Variants in COP1 observed in about 807,000 individuals in gnomAD.
COP1 encodes COP1 E3 ubiquitin ligase, also known as E3 ubiquitin-protein ligase COP1.
Under a neutral mutation model 101.3 loss-of-function variants are expected in COP1, and 24 were observed. The observed-to-expected ratio is 0.24, with a 90% CI of 0.17 to 0.33. The LOEUF (loss-of-function observed/expected upper bound fraction) is 0.33, where lower values mean the gene tolerates loss of function less well. Among genes scored for constraint, COP1 ranks in the 10% least tolerant of loss-of-function variants. The pLI, the probability that COP1 is intolerant of heterozygous loss-of-function variation, is 1.00. For missense variants in COP1, 663 were observed against 906.2 expected (o/e 0.73, Z 3.45); for synonymous variants, 347 against 341.9 (o/e 1.01, Z -0.17).
intron 5 of COP1, among the ~76,000 whole-genome samples, chr1:176,153,051 G>A (rs1323250633): frequency 6.6e-6 from 1 of 151,926 alleles, no homozygotes; most frequent in Non-Finnish European, 1.5e-5. Flanking sequence ...GGACACAGAG[G>A]GTTTTAGGAA....
chr1:176,010,297 A>T (rs1664423000), intron 15 of COP1, among the ~76,000 whole-genome samples: 1 of 152,200 alleles, frequency 6.6e-6, no homozygotes. Flanking sequence ...ATATCATTAT[A>T]TCACACTCAA....
rs566927328 is a variant in COP1 at position 176,133,458 on chromosome 1, T to A, written c.968+1552A>T. 2.0e-5 allele frequency among the ~76,000 whole-genome samples: 3 copies of A among 152,000 alleles called. No individual in the cohort carries two copies. The East Asian group carries it at 5.8e-4, about 29-fold the overall frequency. ...ATGCAGTCCATCACTGACTGAAACG[T>A]CATTATGCAGTGCATGACTGTATTG... On this transcript the variant is annotated intron_variant, in intron 8 of 19. Transcript: ENST00000367669.
At chr1:176,144,472 A>C (rs1416010238) in intron 6 of COP1, among the ~76,000 whole-genome samples, 3 of 152,190 alleles carry the variant, frequency 2.0e-5, no homozygotes, top group Non-Finnish European at 4.4e-5. Flanking sequence ...TTCACAGATT[A>C]GAAGACTGAA....
At chr1:176,025,476 TA>T (rs772321422) in intron 15 of COP1, among the ~76,000 whole-genome samples, 1 of 138,596 alleles carries the variant, frequency 7.2e-6, no homozygotes, top group Admixed American at 7.1e-5. Context: ...AAAAAAAACC[TA>T]AAAAAAGAGT....
At chr1:176,182,030 G>A (rs1697856463) in intron 2 of COP1, among the ~76,000 whole-genome samples, 1 of 152,092 alleles carries the variant, frequency 6.6e-6, no homozygotes, top group Admixed American at 6.6e-5. Context: ...TAAATTTATT[G>A]AAAAGCCCTA....
intron 18 of COP1, chr1:175,982,390 T>G (rs745807673): frequency 4.4e-6 from 2 of 456,626 alleles, no homozygotes; most frequent in South Asian, 3.1e-5. Context: ...TTTCTTCCTC[T>G]TCTACCACTC....
chr1:176,150,096 C>G (rs1404497031), intron 5 of COP1, among the ~76,000 whole-genome samples: 1 of 152,150 alleles, frequency 6.6e-6, no homozygotes, highest in Non-Finnish European at 1.5e-5. Flanking sequence ...TTTTGTTAAA[C>G]AAGTGCCCAG....
chr1:176,003,640 T>C (rs1340506167), intron 15 of COP1, among the ~76,000 whole-genome samples: 1 of 152,172 alleles, frequency 6.6e-6, no homozygotes, highest in Non-Finnish European at 1.5e-5. Flanking sequence ...TTCTCAGGTT[T>C]GTCAGAGATC....
rs74127164 is a variant in COP1 at position 176,033,931 on chromosome 1, T to G, written c.1613-6243A>C. On this transcript the variant is annotated intron_variant, in intron 14 of 19. Coordinates refer to ENST00000367669, the MANE Select transcript of COP1 (RefSeq NM_022457.7). The stretch of plus-strand genomic sequence containing the variant: ...ATAAAGTTATCACAAAGGCAATATT[T>G]TATATGATCGCCAAACAGACAAGAG... Among the ~76,000 whole-genome samples, 481 of 152,314 alleles carry G rather than the reference T, an allele frequency of 3.2e-3. 1 individual carries two copies. Among genetic ancestry groups the G allele is most frequent in the African/African-American group, 0.011 (461 of 41,568 alleles).
intron 11 of COP1, among the ~76,000 whole-genome samples, chr1:176,047,601 A>C (rs1671736245): frequency 6.6e-6 from 1 of 152,230 alleles, no homozygotes; most frequent in African/African-American, 2.4e-5. Flanking sequence ...TTCTTCTCTC[A>C]AAATGCCTAG....
chr1:175,951,461 T>TATATATAA (rs1214036206), intron 18 of COP1, among the ~76,000 whole-genome samples: 9 of 54,938 alleles, frequency 1.6e-4, no homozygotes, highest in African/African-American at 4.4e-4. Flanking sequence ...TATATATATA[T>TATATATAA]AAAAACTTCC....
chr1:176,205,727 C>A (rs770258092), intron 1 of COP1, among the ~76,000 whole-genome samples: 17 of 152,244 alleles, frequency 1.1e-4, no homozygotes, highest in Non-Finnish European at 1.9e-4. Context: ...ACTAACCTCT[C>A]TATCCCAAAT....
At chr1:176,114,033 G>A (rs1399426887) in intron 9 of COP1, among the ~76,000 whole-genome samples, 1 of 148,774 alleles carries the variant, frequency 6.7e-6, no homozygotes, top group Middle Eastern at 3.2e-3. Context: ...TTTTTGTTTC[G>A]CTTCATCAGT....
intron 9 of COP1, among the ~76,000 whole-genome samples, chr1:176,091,427 CAAAAT>C (rs1681282052): frequency 6.6e-6 from 1 of 150,512 alleles, no homozygotes; most frequent in Admixed American, 6.6e-5. Flanking sequence ...ATCTGAGACA[CAAAAT>C]AAAAAAAGAG....
At chr1:175,975,980 T>C (rs552254982) in intron 18 of COP1, among the ~76,000 whole-genome samples, 1 of 152,282 alleles carries the variant, frequency 6.6e-6, no homozygotes, top group East Asian at 1.9e-4. Flanking sequence ...TTGCTATCAA[T>C]GACATTTCAT....
At chr1:176,006,746 A>G (rs1055860566) in intron 15 of COP1, among the ~76,000 whole-genome samples, 2 of 152,102 alleles carry the variant, frequency 1.3e-5, no homozygotes, top group Admixed American at 6.5e-5. Context: ...TTCCCTTTGT[A>G]GGTAACCCGA....
intron 18 of COP1, among the ~76,000 whole-genome samples, chr1:175,981,658 A>T (rs1467095250): frequency 2.0e-5 from 3 of 152,212 alleles, no homozygotes; most frequent in Non-Finnish European, 2.9e-5. Context: ...TGAATGCATC[A>T]AACTATCAAT....
At chr1:176,126,193 A>G (rs1233905996) in intron 8 of COP1, among the ~76,000 whole-genome samples, 5 of 152,130 alleles carry the variant, frequency 3.3e-5, no homozygotes, top group Admixed American at 2.0e-4. Context: ...TTCCTTTCCA[A>G]TCTGGATGCT....
intron 18 of COP1, among the ~76,000 whole-genome samples, chr1:175,959,931 T>G (rs1651129005): frequency 2.0e-5 from 3 of 151,818 alleles, no homozygotes; most frequent in African/African-American, 7.3e-5. Flanking sequence ...GGTTATATCC[T>G]CCCTTTATCT....
Sources: gnomAD v4.1 joint callset for allele counts (sites outside exome capture counted in the v4.1 genomes callset) on GRCh38, gnomAD v4.1.1 for gene constraint, MANE v1.5 for transcripts, NCBI Gene and HGNC (gene_info 2026-07-23, HGNC 2026-07-21) for gene names.